NFIA: variants seen among roughly 807,000 people sequenced by gnomAD.
NFIA encodes the protein nuclear factor I A.
NFIA carries 8 observed loss-of-function variants against 62.8 expected under a neutral mutation model. The ratio of observed to expected loss-of-function variants is 0.13; its 90% CI spans 0.07 to 0.23. NFIA has a LOEUF of 0.23. NFIA is among the 10% of genes least tolerant of loss of function. The pLI is 1.00. For synonymous variants in NFIA, 235 were observed against 238.1 expected (o/e 0.99, Z 0.12); for missense variants, 410 against 642.1 (o/e 0.64, Z 3.91).
chr1:61,160,809 T>TA (rs1443165683), intron 2 of NFIA, among the ~76,000 whole-genome samples: 2 of 152,238 alleles, frequency 1.3e-5, no homozygotes, highest in African/African-American at 4.8e-5. Flanking sequence ...CATCATGATA[T>TA]AGCACCAAGT....
intron 5 of NFIA, among the ~76,000 whole-genome samples, chr1:61,354,921 TG>T (rs1426079214): frequency 6.6e-6 from 1 of 152,032 alleles, no homozygotes; most frequent in Non-Finnish European, 1.5e-5. Context: ...CTTGGCACCA[TG>T]GGTGTAAAGT....
intron 2 of NFIA, among the ~76,000 whole-genome samples, chr1:61,188,877 G>A (rs930974302): frequency 8.5e-5 from 13 of 152,140 alleles, no homozygotes; most frequent in Admixed American, 3.3e-4. Flanking sequence ...CTGTTTGTCC[G>A]ATTCCATCTG....
In NFIA at chr1:61,408,217, A is replaced by G. The variant is rs1665939619; in HGVS notation, c.1420+1490A>G. 2.0e-5 allele frequency among the ~76,000 whole-genome samples: 3 copies of G among 152,366 alleles called. No homozygotes were observed. In the South Asian group the frequency reaches 6.2e-4, roughly 32 times the overall value. ...TACTTCTCTTGGTAAGAGGTGATTC[A>G]ACACTTGTCAACAAAGGAGAAAACC... On this transcript the variant is annotated intron_variant, in intron 9 of 10. Transcript: ENST00000403491.
chr1:61,363,644 T>G (rs1663425696), intron 6 of NFIA, among the ~76,000 whole-genome samples: 1 of 151,346 alleles, frequency 6.6e-6, no homozygotes, highest in Admixed American at 6.6e-5. Context: ...AAATAACTCA[T>G]GAGAGAGACC....
upstream of NFIA, chr1:61,077,564 C>T: frequency 1.5e-6 from 2 of 1,298,340 alleles, no homozygotes; most frequent in Non-Finnish European, 2.0e-6. Flanking sequence ...AAAAAGGGGA[C>T]AACAAATGAA....
chr1:61,440,785 A>G (rs1456207097), intron 10 of NFIA, among the ~76,000 whole-genome samples: 1 of 152,146 alleles, frequency 6.6e-6, no homozygotes, highest in Non-Finnish European at 1.5e-5. Context: ...GAGGGAAGAA[A>G]GGATATTTAA....
chr1:61,413,551 C>T (rs996510913), intron 9 of NFIA, among the ~76,000 whole-genome samples: 2 of 148,654 alleles, frequency 1.3e-5, no homozygotes, highest in East Asian at 2.0e-4. Context: ...CACTAGATTT[C>T]TGATTCTGGG....
chr1:61,358,379 C>CT (rs34853369), intron 5 of NFIA, among the ~76,000 whole-genome samples: 859 of 52,668 alleles, frequency 0.016, 22 homozygotes, highest in East Asian at 0.046. Flanking sequence ...TTCTTTCTTT[C>CT]TTTTTTTTTT....
chr1:61,453,619 A>AG (rs1668170141), intron 10 of NFIA, among the ~76,000 whole-genome samples: 1 of 152,086 alleles, frequency 6.6e-6, no homozygotes, highest in Non-Finnish European at 1.5e-5. Flanking sequence ...GTCAGATTGA[A>AG]GAAGTCTGGA....
chr1:61,215,910 G>A (rs1237677937), intron 2 of NFIA, among the ~76,000 whole-genome samples: 6 of 152,128 alleles, frequency 3.9e-5, no homozygotes, highest in Non-Finnish European at 5.9e-5. Flanking sequence ...TAGCGCATGC[G>A]GTCAGCATTC....
At chr1:61,420,021 G>A (rs79934357) in intron 9 of NFIA, among the ~76,000 whole-genome samples, 3,633 of 152,286 alleles carry the variant, frequency 0.024, 76 homozygotes, top group Middle Eastern at 0.075. Flanking sequence ...TCCTCTAGAT[G>A]CTAAACATCT....
intron 3 of NFIA, among the ~76,000 whole-genome samples, chr1:61,279,554 CT>C (rs36012809): frequency 6.6e-6 from 1 of 152,096 alleles, no homozygotes; most frequent in Admixed American, 6.5e-5. Context: ...CAAAGTTTCA[CT>C]TTTTTCTACA....
At chr1:61,286,137 T>C (rs942452369) in intron 3 of NFIA, among the ~76,000 whole-genome samples, 3 of 152,100 alleles carry the variant, frequency 2.0e-5, no homozygotes, top group East Asian at 1.9e-4. Flanking sequence ...TCTTAAGAAT[T>C]GCTGGATAGG....
At chr1:61,443,420 C>G (rs1330102361) in intron 10 of NFIA, among the ~76,000 whole-genome samples, 1 of 152,196 alleles carries the variant, frequency 6.6e-6, no homozygotes, top group Non-Finnish European at 1.5e-5. Flanking sequence ...CACTCCTAGT[C>G]CATCCACCCC....
rs542191484 is a variant in NFIA at position 61,426,290 on chromosome 1, C to G, written c.1421-175C>G. ...CAGTCTTTGGAAGCCAATCCCTCTT[C>G]CCCCTTTTTTGACTGTCTGAAATGC... On this transcript the variant is annotated intron_variant, in intron 9 of 10. Transcript: ENST00000403491. 4.6e-5 allele frequency among the ~76,000 whole-genome samples: 7 copies of G among 152,274 alleles called. No homozygotes were observed. The East Asian group carries it at 1.4e-3, about 29-fold the overall frequency.
chr1:61,083,552 C>G (rs1045986029), intron 1 of NFIA, among the ~76,000 whole-genome samples: 8 of 151,810 alleles, frequency 5.3e-5, no homozygotes, highest in Non-Finnish European at 8.8e-5. Flanking sequence ...CGCGTTCCCC[C>G]GCGCCGGCCG....
At chr1:61,249,136 TA>T (rs1655845425) in intron 2 of NFIA, 1 of 152,268 alleles carries the variant, frequency 6.6e-6, no homozygotes. Flanking sequence ...AATACATTTT[TA>T]TTTTATAATT....
At chr1:61,234,094 G>A (rs910647124) in intron 2 of NFIA, among the ~76,000 whole-genome samples, 13 of 151,730 alleles carry the variant, frequency 8.6e-5, no homozygotes, top group Non-Finnish European at 1.8e-4. Context: ...CTGGCTGGGC[G>A]CGGTGGCTCA....
At chr1:61,281,819 TA>T (rs1196526825) in intron 3 of NFIA, among the ~76,000 whole-genome samples, 1 of 152,042 alleles carries the variant, frequency 6.6e-6, no homozygotes, top group Non-Finnish European at 1.5e-5. Flanking sequence ...AAATTCCTTT[TA>T]AAAAAAATCC....
Sources: allele counts gnomAD v4.1 joint callset (sites outside exome capture counted in the v4.1 genomes callset), GRCh38; gene constraint gnomAD v4.1.1; transcripts MANE v1.5; gene names NCBI Gene and HGNC (gene_info 2026-07-23, HGNC 2026-07-21).